Variants in CD274 observed in about 807,000 individuals in gnomAD.
CD274 encodes the protein programmed cell death 1 ligand 1.
CD274 carries 8 observed loss-of-function variants against 30.1 expected under a neutral mutation model. The ratio of observed to expected loss-of-function variants is 0.27; its 90% CI spans 0.16 to 0.48. The LOEUF is 0.48. Among genes scored for constraint, CD274 ranks in the 20% least tolerant of loss-of-function variants. The probability of loss-of-function intolerance (pLI) is 0.99; values close to 1 mark genes in which losing one functional copy is unlikely to be tolerated. For synonymous variants in CD274, 152 were observed against 124.6 expected, an observed-to-expected ratio of 1.22 and a Z score of -1.46; for missense variants, 353 against 346.6, an observed-to-expected ratio of 1.02 and a Z score of -0.15.
chr9:5,458,311 C>T (rs921096940), intron 3 of CD274, among the ~76,000 whole-genome samples: 4 of 152,182 alleles, frequency 2.6e-5, no homozygotes, highest in African/African-American at 9.7e-5. Context: ...CCCAGAGGAT[C>T]TTCTGTTCTT....
rs990307887 is a variant in CD274, at chr9:5,470,454, A to G, written c.*2592A>G. On this transcript the variant is annotated 3_prime_UTR_variant, in exon 7 of 7. Coordinates refer to ENST00000381577, the MANE Select transcript of CD274 (RefSeq NM_014143.4). Reference sequence around the variant, plus strand: ...GATTGTCACTTTTTGTACCTGCATTAATTTAATAAAATATTCTTATTTATT... The same window carrying G: ...GATTGTCACTTTTTGTACCTGCATTGATTTAATAAAATATTCTTATTTATT... 1 of 225,398 alleles carries G rather than the reference A, an allele frequency of 4.4e-6. No individual in the cohort carries two copies. Among genetic ancestry groups the G allele is most frequent in the African/African-American group, 2.2e-5 (1 of 44,866 alleles). The allele number at this position is 225,398 out of a possible 1,614,324, so 14.0% of individuals were successfully genotyped here. A position where few individuals can be genotyped will look rare whatever the true frequency, so the allele number is the denominator to read the frequency against.
In CD274 at chr9:5,468,430, G is replaced by C. The variant is rs529061712; in HGVS notation, c.*568G>C. On this transcript the variant is annotated 3_prime_UTR_variant, in exon 7 of 7. Coordinates refer to ENST00000381577, the MANE Select transcript of CD274 (RefSeq NM_014143.4). Reference sequence around the variant, plus strand: ...ACAATTTTGTCGCCAAACTAAACTTGCTGCTTAATGATTTGCTCACATCTA... The same window carrying C: ...ACAATTTTGTCGCCAAACTAAACTTCCTGCTTAATGATTTGCTCACATCTA... 50 of 233,428 alleles carry C rather than the reference G, an allele frequency of 2.1e-4. No homozygotes were observed. The highest frequency in any genetic ancestry group is 9.9e-4 in the African/African-American group (45 of 45,436). 14.5% of individuals were successfully genotyped at this position (233,428 alleles called of 1,614,324 possible).
In CD274 at chr9:5,462,837, C is replaced by T. The variant is rs756382247; in HGVS notation, c.398C>T (p.Pro133Leu). ...CTTCTTTTTGTTTATGTCCTAGCCC[C>T]ATACAACAAAATCAACCAAAGAATT... ...YKRITVKVNA[P>L]YNKINQRILV... Residue 133 changes from proline to leucine, a missense_variant, in exon 4 of 7, where the codon CCA (proline) becomes CTA (leucine). By Grantham distance (98) the Pro-to-Leu change is moderately conservative. Transcript: ENST00000381577. 1.2e-6 allele frequency: 2 copies of T among 1,612,948 alleles called. No individual in the cohort carries two copies. Among genetic ancestry groups the T allele is most frequent in the Admixed American group, 3.3e-5 (2 of 59,972 alleles).
rs1340545387 is a variant in CD274, at chr9:5,450,578, C to T, written c.-33C>T. On this transcript the variant is annotated 5_prime_UTR_variant, in exon 1 of 7. Coordinates refer to ENST00000381577, the MANE Select transcript of CD274 (RefSeq NM_014143.4). ...GCTTCCCGAGGCTCCGCACCAGCCGCGCTTCTGTCCGCCTGCAGGTAGGGA... is the reference window on the plus strand; with the variant it reads ...GCTTCCCGAGGCTCCGCACCAGCCGTGCTTCTGTCCGCCTGCAGGTAGGGA... 1 of 152,340 alleles carries T rather than the reference C, an allele frequency of 6.6e-6. No individual in the cohort carries two copies. Among genetic ancestry groups the T allele is most frequent in the African/African-American group, 2.4e-5 (1 of 41,472 alleles). 9.4% of individuals were successfully genotyped at this position (152,340 alleles called of 1,614,324 possible). A position where few individuals can be genotyped will look rare whatever the true frequency, so the allele number is the denominator to read the frequency against.
rs564292945 is a variant in CD274 at position 5,466,625 on chromosome 9, T to G, written c.791-145T>G. 3.6e-5 allele frequency: 22 copies of G among 612,754 alleles called. No homozygotes were observed. In the South Asian group the frequency reaches 4.7e-4, roughly 13 times the overall value. 38.0% of individuals were successfully genotyped at this position (612,754 alleles called of 1,614,324 possible). On this transcript the variant is annotated intron_variant, in intron 5 of 6. Transcript: ENST00000381577. ...TACACTATTGAATTAATTAACCTCA[T>G]AAGTTGGGACCTGTGGAATAAGGAT...
chr9:5,460,827 G>A (rs1819391003), intron 3 of CD274, among the ~76,000 whole-genome samples: 3 of 152,212 alleles, frequency 2.0e-5, no homozygotes, highest in South Asian at 2.1e-4. Flanking sequence ...TTTTGAACTC[G>A]TGTGTTTGTG....
intron 3 of CD274, among the ~76,000 whole-genome samples, chr9:5,457,855 A>AT (rs963708886): frequency 6.6e-6 from 1 of 152,046 alleles, no homozygotes; most frequent in African/African-American, 2.4e-5. Context: ...TTCAACTACT[A>AT]TTTTTTTATT....
rs1586761961 is a variant in CD274 at position 5,454,413 on chromosome 9, C to G, written c.-14-1687C>G. Among the ~76,000 whole-genome samples the G allele has an allele frequency of 2.7e-5, 4 of 149,764 alleles. No homozygotes were observed. In the East Asian group the frequency reaches 7.8e-4, roughly 29 times the overall value. ...TCCTGTGTCTAAACACACACACACA[C>G]TTTTTTTTTTCAGCAAAAGTGGATT... On this transcript the variant is annotated intron_variant, in intron 1 of 6. Transcript: ENST00000381577.
intron 1 of CD274, among the ~76,000 whole-genome samples, chr9:5,450,921 C>A (rs1819191525): frequency 6.6e-6 from 1 of 152,224 alleles, no homozygotes; most frequent in African/African-American, 2.4e-5. Flanking sequence ...TGATGCTAGG[C>A]TGGAGGTCTG....
At chr9:5,465,442 C>T (rs1295779804) in intron 4 of CD274, 57 bp from the exon 5 acceptor site, 1 of 1,003,024 alleles carries the variant, frequency 1.0e-6, no homozygotes, top group Admixed American at 1.7e-5. Context: ...CTCCTGACCC[C>T]TTCCCATCAA....
At chr9:5,453,389 CAT>C in intron 1 of CD274, among the ~76,000 whole-genome samples, 1 of 152,332 alleles carries the variant, frequency 6.6e-6, no homozygotes, top group East Asian at 1.9e-4. Context: ...CAATTATCAA[CAT>C]GTGTTGAGAA....
At position 5,469,567 on chromosome 9, in the gene CD274, T is replaced by C. The variant is rs1004412898; in HGVS notation, c.*1705T>C. The C allele has an allele frequency of 4.3e-6, 1 of 231,996 alleles. No individual in the cohort carries two copies. The highest frequency in any genetic ancestry group is 8.5e-6 in the Non-Finnish European group (1 of 117,284). 14.4% of individuals were successfully genotyped at this position (231,996 alleles called of 1,614,324 possible). A position where few individuals can be genotyped will look rare whatever the true frequency, so the allele number is the denominator to read the frequency against. ...CTATTTTTATTTATTTTAGTGTTTC[T>C]TATATAGCAGATGGAATGAATTTGA... On this transcript the variant is annotated 3_prime_UTR_variant, in exon 7 of 7. Coordinates refer to ENST00000381577, the MANE Select transcript of CD274 (RefSeq NM_014143.4).
intron 1 of CD274, among the ~76,000 whole-genome samples, chr9:5,453,207 A>G (rs1819238659): frequency 6.6e-6 from 1 of 152,320 alleles, no homozygotes; most frequent in Middle Eastern, 3.4e-3. Context: ...CACTGGCAAG[A>G]GGATGATGAC....
In CD274 at chr9:5,468,624, C is replaced by T; in HGVS notation, c.*762C>T. 1 of 233,036 alleles carries T rather than the reference C, an allele frequency of 4.3e-6. No individual in the cohort carries two copies. The highest frequency in any genetic ancestry group is 2.2e-5 in the African/African-American group (1 of 45,438). 14.4% of individuals were successfully genotyped at this position (233,036 alleles called of 1,614,324 possible). On this transcript the variant is annotated 3_prime_UTR_variant, in exon 7 of 7. Transcript: ENST00000381577. Reference sequence around the variant, plus strand: ...CAGACCTCAAGTGTCTGTGCAGTATCTGTTCCATTTAAATATCAGCTTTAC... The same window carrying T: ...CAGACCTCAAGTGTCTGTGCAGTATTTGTTCCATTTAAATATCAGCTTTAC...
In CD274 at chr9:5,465,470, G is replaced by C. The variant is rs773882875; in HGVS notation, c.683-29G>C. ...CCCATCAAAATTTTATCTTTAGTCA[G>C]TTTGTTTTCGTTTTGTTTTGTTTTT... On this transcript the variant is annotated intron_variant, in intron 4 of 6. Coordinates refer to ENST00000381577, the MANE Select transcript of CD274 (RefSeq NM_014143.4). 7.6e-6 allele frequency: 10 copies of C among 1,320,132 alleles called. No individual in the cohort carries two copies. In the Admixed American group the frequency reaches 1.7e-4, roughly 22 times the overall value. The allele number at this position is 1,320,132 out of a possible 1,614,324, so 81.8% of individuals were successfully genotyped here.
intron 5 of CD274, 87 bp downstream of exon 5, chr9:5,465,693 C>G: frequency 1.3e-6 from 1 of 798,308 alleles, no homozygotes; most frequent in Non-Finnish European, 2.2e-6. Flanking sequence ...CCCGACTTAA[C>G]CTCTGCAAGG....
chr9:5,460,289 G>A (rs1819381409), intron 3 of CD274, among the ~76,000 whole-genome samples: 1 of 152,138 alleles, frequency 6.6e-6, no homozygotes, highest in African/African-American at 2.4e-5. Context: ...GTAAAAGGAG[G>A]AAGAGGAGCA....
intron 3 of CD274, among the ~76,000 whole-genome samples, 191 bp from the exon 4 acceptor site, chr9:5,462,643 A>C (rs1162208365): frequency 1.3e-5 from 2 of 152,174 alleles, no homozygotes; most frequent in Non-Finnish European, 2.9e-5. Context: ...ATTAATCCAA[A>C]CTTGTCCCAA....
At position 5,454,657 on chromosome 9, in the gene CD274, T is replaced by G. The variant is rs562327709; in HGVS notation, c.-14-1443T>G. Among the ~76,000 whole-genome samples, 6 of 151,608 alleles carry G rather than the reference T, an allele frequency of 4.0e-5. No homozygotes were observed. The South Asian group carries it at 8.3e-4, about 21-fold the overall frequency. On this transcript the variant is annotated intron_variant, in intron 1 of 6. Coordinates refer to ENST00000381577, the MANE Select transcript of CD274 (RefSeq NM_014143.4). ...TATATATATATGTGTGTGTGTGTGTTTTTGTTTTAGTAGGATAGATTTCTA... is the reference window on the plus strand; with the variant it reads ...TATATATATATGTGTGTGTGTGTGTGTTTGTTTTAGTAGGATAGATTTCTA...
Sources: gnomAD v4.1 joint callset for allele counts (sites outside exome capture counted in the v4.1 genomes callset) on GRCh38, gnomAD v4.1.1 for gene constraint, MANE v1.5 for transcripts, NCBI Gene and HGNC (gene_info 2026-07-23, HGNC 2026-07-21) for gene names.